The following CTNNA3 variants were observed in gnomAD, a reference collection of about 807,000 sequenced individuals.
CTNNA3 encodes the protein catenin alpha-3.
CTNNA3 carries 76 observed loss-of-function variants against 95.7 expected under a neutral mutation model. The ratio of observed to expected loss-of-function variants is 0.79; its 90% CI spans 0.66 to 0.96. The LOEUF (loss-of-function observed/expected upper bound fraction) is 0.96. Ranked by LOEUF, CTNNA3 falls within the 40% of genes least tolerant of loss-of-function variation. CTNNA3 has a pLI of 0.00. For synonymous variants in CTNNA3, 431 were observed against 374.4 expected, an observed-to-expected ratio of 1.15 and a Z score of -1.74; for missense variants, 1,191 against 1,089.8, an observed-to-expected ratio of 1.09 and a Z score of -1.31.
chr10:66,583,423 T>C (rs753782610), intron 10 of CTNNA3, among the ~76,000 whole-genome samples: 13 of 151,856 alleles, frequency 8.6e-5, no homozygotes, highest in Non-Finnish European at 1.9e-4. Flanking sequence ...GGTTGTATGT[T>C]TCCAGGAATT....
intron 9 of CTNNA3, among the ~76,000 whole-genome samples, chr10:66,680,986 T>C (rs7072863): frequency 0.55 from 84,170 of 151,932 alleles, 24,072 homozygotes; most frequent in African/African-American, 0.68. Context: ...TGAGATCATA[T>C]GTAGCCTTAA....
At chr10:66,805,373 A>T (rs1589274407) in intron 7 of CTNNA3, among the ~76,000 whole-genome samples, 1 of 145,700 alleles carries the variant, frequency 6.9e-6, no homozygotes, top group Non-Finnish European at 1.5e-5. Context: ...TTTATTCTTT[A>T]AAAAAAAAAG....
At chr10:66,631,910 GATGAATA>G (rs1338610624) in intron 9 of CTNNA3, among the ~76,000 whole-genome samples, 1 of 151,840 alleles carries the variant, frequency 6.6e-6, no homozygotes, top group Non-Finnish European at 1.5e-5. Flanking sequence ...ATGAATGTGA[GATGAATA>G]ATATATTTTT....
chr10:67,232,850 G>A (rs943600767), intron 5 of CTNNA3, among the ~76,000 whole-genome samples: 9 of 151,806 alleles, frequency 5.9e-5, no homozygotes, highest in Admixed American at 5.9e-4. Context: ...AAAAAGGCAG[G>A]GGTTGCAATC....
At chr10:67,409,669 T>C (rs1389298855) in intron 5 of CTNNA3, among the ~76,000 whole-genome samples, 3 of 152,076 alleles carry the variant, frequency 2.0e-5, no homozygotes, top group African/African-American at 4.8e-5. Flanking sequence ...GTTGGGTTGA[T>C]TGTGCAGCAA....
At chr10:67,304,826 T>C (rs1454867686) in intron 5 of CTNNA3, among the ~76,000 whole-genome samples, 3 of 152,018 alleles carry the variant, frequency 2.0e-5, no homozygotes, top group Admixed American at 6.6e-5. Flanking sequence ...GGTTATGTAC[T>C]CTAGACTCTG....
At chr10:67,408,913 T>C (rs1473630979) in intron 5 of CTNNA3, among the ~76,000 whole-genome samples, 1 of 119,394 alleles carries the variant, frequency 8.4e-6, no homozygotes, top group African/African-American at 2.9e-5. Flanking sequence ...CATTATAAAG[T>C]AGGCAAAGGA....
intron 7 of CTNNA3, among the ~76,000 whole-genome samples, chr10:66,886,220 C>A (rs945200500): frequency 1.3e-5 from 2 of 152,048 alleles, no homozygotes; most frequent in Non-Finnish European, 1.5e-5. Context: ...TTTTCAATAA[C>A]CCTGTGACTG....
At chr10:66,483,754 C>G (rs1839625166) in intron 11 of CTNNA3, among the ~76,000 whole-genome samples, 1 of 152,096 alleles carries the variant, frequency 6.6e-6, no homozygotes, top group Non-Finnish European at 1.5e-5. Flanking sequence ...CCTGAAATTA[C>G]TCTAACACCA....
chr10:66,424,365 A>T (rs546428729), intron 11 of CTNNA3, among the ~76,000 whole-genome samples: 1 of 152,040 alleles, frequency 6.6e-6, no homozygotes, highest in East Asian at 1.9e-4. Context: ...TTCTTTCCAC[A>T]GTTTTCAGAG....
intron 12 of CTNNA3, among the ~76,000 whole-genome samples, chr10:66,291,098 C>T (rs977480204): frequency 6.6e-6 from 1 of 152,042 alleles, no homozygotes; most frequent in African/African-American, 2.4e-5. Flanking sequence ...AGTTATTTTG[C>T]TAGTGATTTA....
chr10:65,996,181 C>T (rs1159779945), intron 15 of CTNNA3, among the ~76,000 whole-genome samples: 1 of 152,154 alleles, frequency 6.6e-6, no homozygotes, highest in Admixed American at 6.5e-5. Context: ...AAGCAGCAGC[C>T]ATGGGGAGAG....
chr10:67,300,100 G>A (rs1840206096), intron 5 of CTNNA3, among the ~76,000 whole-genome samples: 1 of 152,174 alleles, frequency 6.6e-6, no homozygotes, highest in Non-Finnish European at 1.5e-5. Context: ...TAGAAATTCT[G>A]GAGGTGGGGC....
intron 3 of CTNNA3, among the ~76,000 whole-genome samples, chr10:67,544,444 G>A (rs1305631002): frequency 2.6e-5 from 4 of 152,166 alleles, no homozygotes; most frequent in Non-Finnish European, 5.9e-5. Flanking sequence ...CCAAGGCAGA[G>A]CCTGGCAAAC....
rs1037805194 is a variant in CTNNA3 at position 65,919,966 on chromosome 10, T to C, written c.*364A>G. ...TAGGAGCTCATGTTAGTGTTTTAATTCAAGATAAGGATGATAAGTGTACAT... is the reference window on the plus strand; with the variant it reads ...TAGGAGCTCATGTTAGTGTTTTAATCCAAGATAAGGATGATAAGTGTACAT... On this transcript the variant is annotated 3_prime_UTR_variant, in exon 18 of 18. Coordinates refer to ENST00000433211, the MANE Select transcript of CTNNA3 (RefSeq NM_013266.4). The C allele has an allele frequency of 4.6e-5, 8 of 173,220 alleles. No homozygotes were observed. The highest frequency in any genetic ancestry group is 1.9e-4 in the African/African-American group (8 of 42,204). 10.7% of individuals were successfully genotyped at this position (173,220 alleles called of 1,614,324 possible).
At chr10:67,538,907 TAA>T (rs1840573531) in intron 4 of CTNNA3, among the ~76,000 whole-genome samples, 1 of 152,230 alleles carries the variant, frequency 6.6e-6, no homozygotes. Context: ...AAAAATGTGC[TAA>T]GTGGGTTTGT....
chr10:67,668,840 T>G (rs995966091), intron 1 of CTNNA3, among the ~76,000 whole-genome samples: 2 of 142,384 alleles, frequency 1.4e-5, no homozygotes, highest in African/African-American at 5.4e-5. Context: ...TTCTTTTTTT[T>G]TTTTTTTTTT....
At chr10:67,291,772 T>C (rs1839846003) in intron 5 of CTNNA3, among the ~76,000 whole-genome samples, 1 of 152,170 alleles carries the variant, frequency 6.6e-6, no homozygotes, top group Non-Finnish European at 1.5e-5. Context: ...CACAGCTTTC[T>C]ATGAAAAATG....
chr10:66,360,215 C>G (rs2092643275), intron 12 of CTNNA3, among the ~76,000 whole-genome samples: 1 of 151,280 alleles, frequency 6.6e-6, no homozygotes. Context: ...TTTTTAAACT[C>G]AGTCAATTTC....
Sources: allele counts gnomAD v4.1 joint callset (sites outside exome capture counted in the v4.1 genomes callset), GRCh38; gene constraint gnomAD v4.1.1; transcripts MANE v1.5; gene names NCBI Gene and HGNC (gene_info 2026-07-23, HGNC 2026-07-21).